Variants in DPP10 observed in about 807,000 individuals in gnomAD.
The protein encoded by DPP10 is inactive dipeptidyl peptidase 10.
In DPP10, 33 loss-of-function variants were observed where a neutral mutation model predicts 120.9. That is an observed-to-expected ratio of 0.27 (90% CI 0.21 to 0.37). The LOEUF (loss-of-function observed/expected upper bound fraction) is 0.37, where lower values mean the gene tolerates loss of function less well. Among genes scored for constraint, DPP10 ranks in the 10% least tolerant of loss-of-function variants. The probability of loss-of-function intolerance (pLI) is 1.00; values close to 1 mark genes in which losing one functional copy is unlikely to be tolerated. For synonymous variants in DPP10, 337 were observed against 326.1 expected (o/e 1.03, Z -0.36); for missense variants, 816 against 942.8 (o/e 0.87, Z 1.76).
intron 1 of DPP10, among the ~76,000 whole-genome samples, chr2:114,672,284 G>A (rs562726393): frequency 1.3e-3 from 205 of 152,230 alleles, no homozygotes; most frequent in African/African-American, 4.8e-3. Context: ...ACAAAAAAGA[G>A]CACTTGGAAG....
At chr2:114,644,049 C>T (rs1337952283) in intron 1 of DPP10, among the ~76,000 whole-genome samples, 1 of 149,610 alleles carries the variant, frequency 6.7e-6, no homozygotes, top group Admixed American at 6.6e-5. Flanking sequence ...ATTCTCCTGC[C>T]TCAGCCTCCC....
chr2:114,973,444 G>C (rs971928059), intron 1 of DPP10, among the ~76,000 whole-genome samples: 2 of 151,672 alleles, frequency 1.3e-5, no homozygotes, highest in African/African-American at 4.8e-5. Context: ...GGTGGATCAC[G>C]AGGTCAGGAG....
intron 1 of DPP10, among the ~76,000 whole-genome samples, chr2:114,534,643 A>G (rs1441007808): frequency 2.6e-5 from 4 of 152,134 alleles, no homozygotes; most frequent in East Asian, 1.9e-4. Flanking sequence ...CTTTGTTTTC[A>G]GTATGGTGCC....
chr2:115,712,566 A>ATATATATATATAT (rs70941090), intron 7 of DPP10, among the ~76,000 whole-genome samples: 44 of 121,598 alleles, frequency 3.6e-4, no homozygotes, highest in East Asian at 1.3e-3. Flanking sequence ...ATATATATAT[A>ATATATATATATAT]AAGAAACTGT....
chr2:115,380,226 A>C (rs1258835882), intron 3 of DPP10, among the ~76,000 whole-genome samples: 15 of 152,230 alleles, frequency 9.9e-5, no homozygotes, highest in African/African-American at 2.2e-4. Context: ...CTTTATGAAC[A>C]TGGGTGCTCC....
At chr2:115,482,898 G>A (rs1228007916) in intron 3 of DPP10, among the ~76,000 whole-genome samples, 1 of 151,740 alleles carries the variant, frequency 6.6e-6, no homozygotes, top group Admixed American at 6.6e-5. Context: ...TTCTTGCTTT[G>A]TTGTCTCATC....
chr2:115,336,064 T>C (rs2063110203), intron 2 of DPP10, among the ~76,000 whole-genome samples: 1 of 152,086 alleles, frequency 6.6e-6, no homozygotes, highest in African/African-American at 2.4e-5. Flanking sequence ...TAGATAAAAC[T>C]AACACAATTA....
intron 1 of DPP10, among the ~76,000 whole-genome samples, chr2:114,972,138 T>G (rs577401111): frequency 6.6e-6 from 1 of 152,342 alleles, no homozygotes; most frequent in South Asian, 2.1e-4. Flanking sequence ...GGGCTTCACT[T>G]TTTGTTATTG....
At chr2:115,400,400 A>T (rs563390962) in intron 3 of DPP10, among the ~76,000 whole-genome samples, 1 of 152,124 alleles carries the variant, frequency 6.6e-6, no homozygotes, top group Non-Finnish European at 1.5e-5. Flanking sequence ...CTTTGGCAGC[A>T]TGAAGATGTT....
chr2:115,292,769 A>G lies in DPP10; in HGVS notation c.61-16470A>G, dbSNP rs1020089929. Among the ~76,000 whole-genome samples the G allele has an allele frequency of 2.0e-5, 3 of 152,148 alleles. No individual in the cohort carries two copies. The East Asian group carries it at 5.8e-4, about 29-fold the overall frequency. ...GTGATACTAAGCACATGGCTATCCA[A>G]TTGAAACACTTAACTTTTACTGAGG... On this transcript the variant is annotated intron_variant, in intron 1 of 25. Coordinates refer to ENST00000410059, the MANE Select transcript of DPP10 (RefSeq NM_020868.6).
At chr2:115,704,909 C>A (rs1469503845) in intron 7 of DPP10, among the ~76,000 whole-genome samples, 1 of 151,846 alleles carries the variant, frequency 6.6e-6, no homozygotes, top group African/African-American at 2.4e-5. Context: ...CTAAAGGTTT[C>A]TTTTTCTTTT....
chr2:115,784,534 A>G (rs1683120807), intron 17 of DPP10, among the ~76,000 whole-genome samples: 1 of 152,086 alleles, frequency 6.6e-6, no homozygotes, highest in Non-Finnish European at 1.5e-5. Context: ...GTCAAAACTT[A>G]TTTCTTTTGT....
At chr2:115,048,824 T>C (rs765703938) in intron 1 of DPP10, among the ~76,000 whole-genome samples, 2 of 152,108 alleles carry the variant, frequency 1.3e-5, no homozygotes, top group Admixed American at 6.6e-5. Context: ...TTGAAAGAAA[T>C]ATTTTATGTT....
At chr2:115,261,063 A>T (rs1386564953) in intron 1 of DPP10, among the ~76,000 whole-genome samples, 1 of 152,214 alleles carries the variant, frequency 6.6e-6, no homozygotes, top group Non-Finnish European at 1.5e-5. Flanking sequence ...ATAGCCAATA[A>T]ATTCAAACCA....
intron 3 of DPP10, among the ~76,000 whole-genome samples, chr2:115,443,994 G>T (rs1239862078): frequency 1.3e-5 from 2 of 152,088 alleles, no homozygotes; most frequent in East Asian, 3.9e-4. Context: ...TCTCCAGAAG[G>T]CAAATTCTTA....
At chr2:115,750,221 C>T in intron 10 of DPP10, 2 of 984,616 alleles carry the variant, frequency 2.0e-6, no homozygotes, top group African/African-American at 3.5e-5. Flanking sequence ...CTCCCTCATT[C>T]AGAGACAGCC....
intron 1 of DPP10, among the ~76,000 whole-genome samples, chr2:115,216,091 C>T (rs1222025814): frequency 6.6e-6 from 1 of 151,846 alleles, no homozygotes; most frequent in Non-Finnish European, 1.5e-5. Flanking sequence ...TATATGTGGG[C>T]GCTAAACAAT....
chr2:114,834,230 C>A (rs1320290497), intron 1 of DPP10, among the ~76,000 whole-genome samples: 53 of 129,522 alleles, frequency 4.1e-4, no homozygotes, highest in South Asian at 7.5e-4. Context: ...TATATATAGG[C>A]CATATCTACA....
intron 1 of DPP10, among the ~76,000 whole-genome samples, chr2:115,216,610 C>T (rs1386291489): frequency 6.6e-6 from 1 of 151,882 alleles, no homozygotes; most frequent in Admixed American, 6.6e-5. Context: ...ATGGTGAAAC[C>T]TCATCTCTAC....
Sources: allele counts gnomAD v4.1 joint callset (sites outside exome capture counted in the v4.1 genomes callset), GRCh38; gene constraint gnomAD v4.1.1; transcripts MANE v1.5; gene names NCBI Gene and HGNC (gene_info 2026-07-23, HGNC 2026-07-21).